Variants in MAP7 observed in about 807,000 individuals in gnomAD.
The protein encoded by MAP7 is ensconsin.
MAP7 carries 52 observed loss-of-function variants against 94.8 expected under a neutral mutation model. The ratio of observed to expected loss-of-function variants is 0.55; its 90% confidence interval spans 0.44 to 0.69. The LOEUF (loss-of-function observed/expected upper bound fraction) is 0.69. Among genes scored for constraint, MAP7 ranks in the 30% least tolerant of loss-of-function variants. MAP7 has a pLI of 0.00. For synonymous variants in MAP7, 350 were observed against 357.0 expected (o/e 0.98, Z 0.22); for missense variants, 940 against 964.6 (o/e 0.97, Z 0.34).
chr6:136,469,526 G>A (rs1398454863), intron 1 of MAP7, among the ~76,000 whole-genome samples: 2 of 151,960 alleles, frequency 1.3e-5, no homozygotes, highest in African/African-American at 4.8e-5. Context: ...GGACCACAGG[G>A]GCATGCCACC....
chr6:136,401,995 T>C (rs566143168), intron 3 of MAP7, among the ~76,000 whole-genome samples: 5 of 152,310 alleles, frequency 3.3e-5, no homozygotes, highest in East Asian at 1.9e-4. Context: ...CCTGAAGTCA[T>C]TGTCGTGCTT....
intron 1 of MAP7, among the ~76,000 whole-genome samples, chr6:136,494,303 A>G (rs1817567216): frequency 6.6e-6 from 1 of 152,218 alleles, no homozygotes. Context: ...CAGATTTAGT[A>G]ACAGATTTGG....
At chr6:136,506,158 C>G (rs1396102866) in intron 1 of MAP7, among the ~76,000 whole-genome samples, 2 of 152,120 alleles carry the variant, frequency 1.3e-5, no homozygotes, top group African/African-American at 4.8e-5. Context: ...AGCCTCATCT[C>G]AATTCAACAC....
At position 136,438,627 on chromosome 6, in the gene MAP7, G is replaced by A. The variant is rs188221463; in HGVS notation, c.68-16828C>T. ...GCTTTGTAAAAGTTCAGCCACGCGT[G>A]GGCAAGCATGCATACAGTCACAGTG... On this transcript the variant is annotated intron_variant, in intron 1 of 17. Transcript: ENST00000354570. Among the ~76,000 whole-genome samples, 3 of 152,162 alleles carry A rather than the reference G, an allele frequency of 2.0e-5. No homozygotes were observed. The East Asian group carries it at 5.8e-4, about 29-fold the overall frequency.
intron 8 of MAP7, among the ~76,000 whole-genome samples, chr6:136,367,406 G>A (rs1346809327): frequency 6.6e-6 from 1 of 152,188 alleles, no homozygotes; most frequent in Non-Finnish European, 1.5e-5. Flanking sequence ...CTAGCCCCAG[G>A]TCACATGAAC....
chr6:136,366,337 A>G lies in MAP7; in HGVS notation c.979T>C (p.Ser327Pro). The change falls in exon 9 of 18, where the codon TCC becomes CCC. Residue 327 changes from serine (S) to proline (P), a missense_variant. Transcript: ENST00000354570. Reference sequence around the variant, plus strand: ...TTATATTTCACTTACCAAAGTCGGGAGCGAGCTGGTTGTCTTGCTTTGGGA... The same window carrying G: ...TTATATTTCACTTACCAAAGTCGGGGGCGAGCTGGTTGTCTTGCTTTGGGA... The part of the protein sequence containing the change: ...SNPKARQPAR[S>P]RLWLPSKSLP... 1.2e-6 allele frequency: 2 copies of G among 1,613,890 alleles called. No individual in the cohort carries two copies. The highest frequency in any genetic ancestry group is 1.7e-6 in the Non-Finnish European group (2 of 1,179,738).
At chr6:136,347,912 A>C (rs940454731) in intron 16 of MAP7, among the ~76,000 whole-genome samples, 18 of 152,142 alleles carry the variant, frequency 1.2e-4, no homozygotes, top group African/African-American at 4.3e-4. Context: ...AATATTATAC[A>C]GTGTGATGAT....
At chr6:136,513,229 T>C (rs570137341) in intron 1 of MAP7, among the ~76,000 whole-genome samples, 53 of 152,374 alleles carry the variant, frequency 3.5e-4, no homozygotes, top group African/African-American at 1.1e-3. Flanking sequence ...TTGTATGCGA[T>C]GTTGTGTGAT....
At chr6:136,464,295 G>A (rs2128921543) in intron 1 of MAP7, among the ~76,000 whole-genome samples, 1 of 152,286 alleles carries the variant, frequency 6.6e-6, no homozygotes, top group East Asian at 1.9e-4. Flanking sequence ...AACTACAGGA[G>A]TTATAATTAT....
At chr6:136,501,031 A>G (rs1819684821) in intron 1 of MAP7, among the ~76,000 whole-genome samples, 1 of 152,242 alleles carries the variant, frequency 6.6e-6, no homozygotes, top group Non-Finnish European at 1.5e-5. Flanking sequence ...ATTGCAATGT[A>G]AATTTTATGT....
At chr6:136,522,111 T>C (rs551216545) in intron 1 of MAP7, among the ~76,000 whole-genome samples, 15 of 152,324 alleles carry the variant, frequency 9.8e-5, no homozygotes, top group African/African-American at 3.4e-4. Flanking sequence ...ATTCACCGTC[T>C]AAGGCAGGTT....
intron 3 of MAP7, among the ~76,000 whole-genome samples, chr6:136,397,576 A>G (rs1252372744): frequency 7.8e-6 from 1 of 127,858 alleles, no homozygotes; most frequent in African/African-American, 3.0e-5. Context: ...TAGGACCTTT[A>G]GGAGGTAATT....
At chr6:136,422,132 A>T (rs1791573270) in intron 1 of MAP7, among the ~76,000 whole-genome samples, 1 of 152,244 alleles carries the variant, frequency 6.6e-6, no homozygotes. Flanking sequence ...GTTCTTACAA[A>T]GCACCATTGG....
chr6:136,540,471 A>G (rs566762168), intron 1 of MAP7, among the ~76,000 whole-genome samples: 1 of 152,322 alleles, frequency 6.6e-6, no homozygotes, highest in East Asian at 1.9e-4. Flanking sequence ...CACTGCACAT[A>G]TTCATACAGA....
chr6:136,457,217 T>A (rs1345380168), intron 1 of MAP7, among the ~76,000 whole-genome samples: 5 of 151,386 alleles, frequency 3.3e-5, no homozygotes, highest in Non-Finnish European at 5.9e-5. Flanking sequence ...GGAGAAAAAT[T>A]TGTAGAAATA....
chr6:136,433,988 C>A (rs1385706448), intron 1 of MAP7, among the ~76,000 whole-genome samples: 1 of 152,104 alleles, frequency 6.6e-6, no homozygotes, highest in African/African-American at 2.4e-5. Context: ...GACACTGACT[C>A]CCACCTTGTG....
At chr6:136,387,089 G>C (rs999054478) in intron 5 of MAP7, among the ~76,000 whole-genome samples, 1 of 152,210 alleles carries the variant, frequency 6.6e-6, no homozygotes, top group East Asian at 1.9e-4. Context: ...TAGGATTACA[G>C]GCGTGAGGTA....
chr6:136,416,845 C>T (rs1789632667), intron 2 of MAP7, among the ~76,000 whole-genome samples: 1 of 151,870 alleles, frequency 6.6e-6, no homozygotes, highest in African/African-American at 2.4e-5. Context: ...GGCACAGTGG[C>T]TCACTCCTGT....
intron 1 of MAP7, among the ~76,000 whole-genome samples, chr6:136,500,085 T>A (rs1288547956): frequency 6.6e-6 from 1 of 151,214 alleles, no homozygotes. Context: ...TTCCTAGTTG[T>A]GTGATTCTGA....
Sources: gnomAD v4.1 joint callset for allele counts (sites outside exome capture counted in the v4.1 genomes callset) on GRCh38, gnomAD v4.1.1 for gene constraint, MANE v1.5 for transcripts, NCBI Gene and HGNC (gene_info 2026-07-23, HGNC 2026-07-21) for gene names.